The following SDK1 variants were observed in gnomAD, a reference collection of about 807,000 sequenced individuals.
SDK1 encodes sidekick cell adhesion molecule 1, also known as protein sidekick-1.
SDK1 carries 157 observed loss-of-function variants against 245.5 expected under a neutral mutation model. The observed-to-expected ratio is 0.64, with a 90% CI of 0.56 to 0.73. The LOEUF (loss-of-function observed/expected upper bound fraction) is 0.73. Ranked by LOEUF, SDK1 falls within the 30% of genes least tolerant of loss-of-function variation. The probability of loss-of-function intolerance (pLI) is 0.00; values close to 1 mark genes in which losing one functional copy is unlikely to be tolerated. For missense variants in SDK1, 3,583 were observed against 3,002.3 expected, an observed-to-expected ratio of 1.19 and a Z score of -4.52; for synonymous variants, 1,647 against 1,278.5, an observed-to-expected ratio of 1.29 and a Z score of -6.15.
chr7:3,995,530 A>G (rs1298331035), intron 14 of SDK1, among the ~76,000 whole-genome samples: 1 of 152,206 alleles, frequency 6.6e-6, no homozygotes, highest in Non-Finnish European at 1.5e-5. Flanking sequence ...ACCAATGGGC[A>G]AACAGCCTTT....
At chr7:3,487,754 C>CAAAAAAAAAAAAA (rs764105126) in intron 1 of SDK1, among the ~76,000 whole-genome samples, 2 of 64,958 alleles carry the variant, frequency 3.1e-5, no homozygotes, top group Non-Finnish European at 5.9e-5. Context: ...GACCCCATCT[C>CAAAAAAAAAAAAA]AAAAAAAAAA....
At chr7:3,821,059 G>A (rs35712888) in intron 4 of SDK1, among the ~76,000 whole-genome samples, 3 of 152,166 alleles carry the variant, frequency 2.0e-5, no homozygotes, top group East Asian at 1.9e-4. Flanking sequence ...ATTCACTTGC[G>A]CTGGGTCAGG....
In SDK1 at chr7:4,265,735, G is replaced by C. The variant is rs1028830118; in HGVS notation, c.*351G>C. 6 of 1,065,808 alleles carry C rather than the reference G, an allele frequency of 5.6e-6. No homozygotes were observed. The highest frequency in any genetic ancestry group is 4.5e-6 in the Non-Finnish European group (4 of 885,522). The allele number at this position is 1,065,808 out of a possible 1,614,324, so 66.0% of individuals were successfully genotyped here. A position where few individuals can be genotyped will look rare whatever the true frequency, so the allele number is the denominator to read the frequency against. On this transcript the variant is annotated 3_prime_UTR_variant, in exon 45 of 45. Coordinates refer to ENST00000404826, the MANE Select transcript of SDK1 (RefSeq NM_152744.4). ...CAAGACCAACTAGGAAGGGTCAAGC[G>C]GGGAGAGGGAGTGGAGGGTCAGGTG...
At chr7:3,572,551 G>C (rs1036152666) in intron 1 of SDK1, among the ~76,000 whole-genome samples, 3 of 152,178 alleles carry the variant, frequency 2.0e-5, no homozygotes, top group South Asian at 2.1e-4. Flanking sequence ...CCCAACATAA[G>C]AGTGCCTAGC....
intron 1 of SDK1, among the ~76,000 whole-genome samples, chr7:3,418,788 G>A (rs1186051251): frequency 6.6e-6 from 1 of 152,178 alleles, no homozygotes; most frequent in Admixed American, 6.5e-5. Flanking sequence ...TAGGCAAGTT[G>A]ACTATTCTCA....
At chr7:4,086,331 T>C (rs1257532165) in intron 22 of SDK1, among the ~76,000 whole-genome samples, 1 of 152,226 alleles carries the variant, frequency 6.6e-6, no homozygotes, top group Non-Finnish European at 1.5e-5. Context: ...GAGTGGCTGA[T>C]ACAACATACA....
rs77275669 is a variant in SDK1 at position 4,099,361 on chromosome 7, G to A, written c.3325-11302G>A. On this transcript the variant is annotated intron_variant, in intron 22 of 44. Transcript: ENST00000404826. Reference sequence around the variant, plus strand: ...ACACAGGGCCATGTGCAGAAGCACCGGGTGGGTCAGGAGGCAGAGGAGGAG... The same window carrying A: ...ACACAGGGCCATGTGCAGAAGCACCAGGTGGGTCAGGAGGCAGAGGAGGAG... Among the ~76,000 whole-genome samples the A allele has an allele frequency of 3.4e-3, 504 of 147,722 alleles. 3 individuals carry two copies. The highest frequency in any genetic ancestry group is 0.032 in the South Asian group (144 of 4,482).
rs905587416 is a variant in SDK1 at position 4,101,692 on chromosome 7, C to T, written c.3325-8971C>T. ...GCGGAGCCCGTCTTGGGAGGAAGAT[C>T]GCGGTTCTGGGGTGAGGCTGTCACA... On this transcript the variant is annotated intron_variant, in intron 22 of 44. Transcript: ENST00000404826. Among the ~76,000 whole-genome samples, 8 of 152,096 alleles carry T rather than the reference C, an allele frequency of 5.3e-5. No individual in the cohort carries two copies. In the East Asian group the frequency reaches 1.2e-3, roughly 22 times the overall value.
rs538734945 is a variant in SDK1, at chr7:4,267,206, A to G, written c.*1822A>G. The stretch of plus-strand genomic sequence containing the variant: ...TTCCTTCCCCTCCTTCCTTTCCTTT[A>G]CCCCTCCTTTCCTTCCTTCCTCCCT... On this transcript the variant is annotated 3_prime_UTR_variant, in exon 45 of 45. Transcript: ENST00000404826. The G allele has an allele frequency of 3.3e-6, 3 of 904,322 alleles. No individual in the cohort carries two copies. The highest frequency in any genetic ancestry group is 4.2e-5 in the African/African-American group (2 of 48,000). 56.0% of individuals were successfully genotyped at this position (904,322 alleles called of 1,614,324 possible). A position where few individuals can be genotyped will look rare whatever the true frequency, so the allele number is the denominator to read the frequency against.
In SDK1 at chr7:4,129,577, G is replaced by T. The variant is rs182174592; in HGVS notation, c.3940-331G>T. ...CTCCTGTGGCAGGAAGCAGAGTGTT[G>T]TCTGTGTTCATAATCGAGTCTTTGT... On this transcript the variant is annotated intron_variant, in intron 26 of 44. Coordinates refer to ENST00000404826, the MANE Select transcript of SDK1 (RefSeq NM_152744.4). The T allele has an allele frequency of 6.6e-4, 589 of 895,528 alleles. 2 individuals carry two copies. In the African/African-American group the frequency reaches 9.4e-3, roughly 14 times the overall value. The allele number at this position is 895,528 out of a possible 1,614,324, so 55.5% of individuals were successfully genotyped here.
At chr7:3,591,843 G>GTGA (rs1372984715) in intron 1 of SDK1, among the ~76,000 whole-genome samples, 2 of 152,174 alleles carry the variant, frequency 1.3e-5, no homozygotes, top group Non-Finnish European at 2.9e-5. Context: ...CTTTAAATTA[G>GTGA]TGATTCTCAA....
chr7:3,978,999 T>G (rs1298621238), intron 13 of SDK1, among the ~76,000 whole-genome samples: 1 of 152,208 alleles, frequency 6.6e-6, no homozygotes, highest in African/African-American at 2.4e-5. Context: ...TTCACCTCAT[T>G]GAGGCTGAGT....
Position 4,268,088 on chromosome 7 carries a change from C to T in SDK1, c.*2704C>T, listed in dbSNP as rs1267347367. On this transcript the variant is annotated 3_prime_UTR_variant, in exon 45 of 45. Coordinates refer to ENST00000404826, the MANE Select transcript of SDK1 (RefSeq NM_152744.4). ...ACAAACAAAATGTCTCTAAGCCAGG[C>T]TAGATGGAATGTGCTCCCGCTCTCT... 1.0e-6 allele frequency: 1 copy of T among 985,414 alleles called. No individual in the cohort carries two copies. The highest frequency in any genetic ancestry group is 1.2e-6 in the Non-Finnish European group (1 of 830,000). The allele number at this position is 985,414 out of a possible 1,614,324, so 61.0% of individuals were successfully genotyped here. A position where few individuals can be genotyped will look rare whatever the true frequency, so the allele number is the denominator to read the frequency against.
Position 4,265,329 on chromosome 7 carries a change from CCCCCGCTGG to C in SDK1, c.6593_6601del (p.Ala2198_Pro2200del). ...ACGCAGAGCGCGGGCGGCGTCTACA[CCCCCGCTGG>C]CCCCGGCGCGCGAACTCCGCTCACC... On this transcript the variant is annotated inframe_deletion, in exon 45 of 45. Transcript: ENST00000404826. 6.7e-7 allele frequency: 1 copy of C among 1,481,612 alleles called. No individual in the cohort carries two copies. Among genetic ancestry groups the C allele is most frequent in the Non-Finnish European group, 8.9e-7 (1 of 1,129,904 alleles). The allele number at this position is 1,481,612 out of a possible 1,614,324, so 91.8% of individuals were successfully genotyped here. A position where few individuals can be genotyped will look rare whatever the true frequency, so the allele number is the denominator to read the frequency against.
chr7:3,701,632 A>C (rs1325636352), intron 4 of SDK1, among the ~76,000 whole-genome samples: 1 of 152,164 alleles, frequency 6.6e-6, no homozygotes, highest in African/African-American at 2.4e-5. Flanking sequence ...ATTATTCTAA[A>C]ATTTATGTGG....
intron 22 of SDK1, among the ~76,000 whole-genome samples, chr7:4,096,079 C>A (rs1296716267): frequency 6.6e-6 from 1 of 152,250 alleles, no homozygotes; most frequent in African/African-American, 2.4e-5. Flanking sequence ...AAAGCGTCCA[C>A]TTTCCTGTGC....
chr7:3,918,380 C>T (rs1018777265), intron 5 of SDK1, among the ~76,000 whole-genome samples: 2 of 152,188 alleles, frequency 1.3e-5, no homozygotes, highest in Non-Finnish European at 2.9e-5. Flanking sequence ...TCAGCGGCTG[C>T]ATTAGATTCT....
At chr7:3,589,373 T>TG (rs1780788587) in intron 1 of SDK1, among the ~76,000 whole-genome samples, 1 of 152,210 alleles carries the variant, frequency 6.6e-6, no homozygotes, top group Non-Finnish European at 1.5e-5. Context: ...ACAGGTGGTG[T>TG]GGGTCTTTTG....
rs75926893 is a variant in SDK1, at chr7:3,533,043, C to G, written c.299-86037C>G. ...CAATGAGTAGAAAAATCAAAACAGT[C>G]CAATTATTCTATCAAATTATACATG... On this transcript the variant is annotated intron_variant, in intron 1 of 44. Coordinates refer to ENST00000404826, the MANE Select transcript of SDK1 (RefSeq NM_152744.4). 2.6e-5 allele frequency among the ~76,000 whole-genome samples: 4 copies of G among 152,230 alleles called. No homozygotes were observed. The East Asian group carries it at 7.7e-4, about 29-fold the overall frequency.
Sources: allele counts gnomAD v4.1 joint callset (sites outside exome capture counted in the v4.1 genomes callset), GRCh38; gene constraint gnomAD v4.1.1; transcripts MANE v1.5; gene names NCBI Gene and HGNC (gene_info 2026-07-23, HGNC 2026-07-21).